The following ZEB1 variants were observed in gnomAD, a reference collection of about 807,000 sequenced individuals.
ZEB1 encodes zinc finger E-box-binding homeobox 1.
ZEB1 carries 21 observed loss-of-function variants against 84.9 expected under a neutral mutation model. That is an observed-to-expected ratio of 0.25 (90% CI 0.18 to 0.36). ZEB1 has a LOEUF of 0.36. ZEB1 is among the 10% of genes least tolerant of loss of function. The pLI, the probability that ZEB1 is intolerant of heterozygous loss-of-function variation, is 1.00. For missense variants in ZEB1, 1,104 were observed against 1,330.2 expected (o/e 0.83, Z 2.65); for synonymous variants, 420 against 471.1 (o/e 0.89, Z 1.41).
intron 1 of ZEB1, among the ~76,000 whole-genome samples, chr10:31,403,347 G>A (rs1200598879): frequency 6.6e-6 from 1 of 151,440 alleles, no homozygotes; most frequent in Non-Finnish European, 1.5e-5. Context: ...ATGAGGACTT[G>A]GTTAAAACTT....
intron 1 of ZEB1, among the ~76,000 whole-genome samples, chr10:31,452,803 A>G (rs1451243241): frequency 3.5e-5 from 5 of 140,882 alleles, no homozygotes; most frequent in Non-Finnish European, 7.5e-5. Flanking sequence ...ATTGATGTTA[A>G]AGAATAATGG....
At chr10:31,505,142 GATCAT>G (rs1489036120) in intron 4 of ZEB1, among the ~76,000 whole-genome samples, 7 of 152,042 alleles carry the variant, frequency 4.6e-5, no homozygotes, top group African/African-American at 1.7e-4. Flanking sequence ...AATCCCACTT[GATCAT>G]ATTGCATTAT....
intron 1 of ZEB1, among the ~76,000 whole-genome samples, chr10:31,444,665 T>G (rs1362494872): frequency 6.6e-6 from 1 of 152,018 alleles, no homozygotes; most frequent in Admixed American, 6.6e-5. Context: ...ATTTGTTAAA[T>G]AGGGAATCCT....
chr10:31,495,117 T>C (rs996294325), intron 2 of ZEB1, among the ~76,000 whole-genome samples: 1 of 152,044 alleles, frequency 6.6e-6, no homozygotes, highest in Non-Finnish European at 1.5e-5. Context: ...GACCTGCATT[T>C]ATATTTCATT....
chr10:31,469,593 A>G (rs1264491418), intron 2 of ZEB1, among the ~76,000 whole-genome samples: 1 of 152,116 alleles, frequency 6.6e-6, no homozygotes, highest in Non-Finnish European at 1.5e-5. Context: ...TTGCTAGCAC[A>G]GCAGTCTGAG....
intron 1 of ZEB1, among the ~76,000 whole-genome samples, chr10:31,369,399 C>G (rs1047561872): frequency 2.4e-4 from 37 of 152,182 alleles, no homozygotes; most frequent in African/African-American, 8.7e-4. Context: ...TTGTTCTATT[C>G]TCTACTTCTA....
chr10:31,420,623 A>T (rs1211392680), intron 1 of ZEB1, among the ~76,000 whole-genome samples: 4 of 152,124 alleles, frequency 2.6e-5, no homozygotes, highest in African/African-American at 7.2e-5. Context: ...TGGGTACCTT[A>T]ATTACATATG....
intron 4 of ZEB1, among the ~76,000 whole-genome samples, chr10:31,504,534 T>G (rs970527234): frequency 6.6e-6 from 1 of 152,150 alleles, no homozygotes; most frequent in African/African-American, 2.4e-5. Context: ...AATCTGTAGA[T>G]CGCTCTGGGC....
chr10:31,319,339 G>A, intron 1 of ZEB1, 47 bp downstream of exon 1: 4 of 1,579,918 alleles, frequency 2.5e-6, no homozygotes, highest in Non-Finnish European at 3.4e-6. Context: ...GGGGGAGCTG[G>A]GCAGCCGGGG....
chr10:31,365,304 A>C (rs903298517), intron 1 of ZEB1, among the ~76,000 whole-genome samples: 11 of 152,142 alleles, frequency 7.2e-5, no homozygotes, highest in Non-Finnish European at 1.5e-4. Flanking sequence ...TGATGCCCTA[A>C]ATATAACTCT....
At chr10:31,503,106 T>C (rs1403568692) in intron 4 of ZEB1, among the ~76,000 whole-genome samples, 1 of 152,130 alleles carries the variant, frequency 6.6e-6, no homozygotes, top group Non-Finnish European at 1.5e-5. Flanking sequence ...TTTAAAAATA[T>C]ATGTATATTT....
chr10:31,440,707 A>G (rs2058835976), intron 1 of ZEB1, among the ~76,000 whole-genome samples: 1 of 152,214 alleles, frequency 6.6e-6, no homozygotes, highest in Admixed American at 6.5e-5. Flanking sequence ...ACTTCAGCAA[A>G]GTCTCAGGAT....
intron 1 of ZEB1, among the ~76,000 whole-genome samples, chr10:31,419,933 T>C (rs569275421): frequency 2.0e-5 from 3 of 152,260 alleles, no homozygotes; most frequent in Admixed American, 6.5e-5. Context: ...TCCGAAGTAG[T>C]ATGTCTGGAA....
intron 2 of ZEB1, among the ~76,000 whole-genome samples, chr10:31,492,961 A>G (rs754346368): frequency 7.9e-5 from 12 of 151,952 alleles, no homozygotes; most frequent in Non-Finnish European, 1.8e-4. Flanking sequence ...TAGATTCACA[A>G]ATAATACAGA....
At position 31,363,117 on chromosome 10, in the gene ZEB1, C is replaced by T. The variant is rs973622886; in HGVS notation, c.58+43825C>T. 5 of 1,533,988 alleles carry T rather than the reference C, an allele frequency of 3.3e-6. No homozygotes were observed. In the African/African-American group the frequency reaches 5.5e-5, roughly 17 times the overall value. ...GGCCGGCAGCTCTGGGTGGAGAAGA[C>T]CTACTTGATCCAAGAGCTGCAGGAT... On this transcript the variant is annotated intron_variant, in intron 1 of 8. Transcript: ENST00000424869.
At chr10:31,403,664 C>T (rs1301700715) in intron 1 of ZEB1, among the ~76,000 whole-genome samples, 1 of 151,900 alleles carries the variant, frequency 6.6e-6, no homozygotes, top group Non-Finnish European at 1.5e-5. Flanking sequence ...TACAGATTTT[C>T]GTTTACACTG....
chr10:31,385,513 TC>T (rs998412461), intron 1 of ZEB1, among the ~76,000 whole-genome samples: 90 of 151,922 alleles, frequency 5.9e-4, no homozygotes, highest in African/African-American at 1.7e-3. Flanking sequence ...TTTTTTCTTT[TC>T]TTTTTTTCTT....
intron 1 of ZEB1, among the ~76,000 whole-genome samples, chr10:31,447,838 C>G (rs2059994550): frequency 6.6e-6 from 1 of 151,858 alleles, no homozygotes; most frequent in Admixed American, 6.6e-5. Flanking sequence ...CTCTGGCTGC[C>G]CTTAACATTT....
At position 31,461,079 on chromosome 10, in the gene ZEB1, A is replaced by T. The variant is rs757485471; in HGVS notation, c.101A>T (p.Asp34Val). 4 of 1,608,572 alleles carry T rather than the reference A, an allele frequency of 2.5e-6. No individual in the cohort carries two copies. The South Asian group carries it at 4.4e-5, about 18-fold the overall frequency. ...NTVVETNSDSDDEDKLHIVEE... is the reference protein window; with the variant it reads ...NTVVETNSDSVDEDKLHIVEE... ...GTGGTAGAAACAAATTCAGATTCAG[A>T]TGATGAAGACAAACTGCATATTGTG... is the stretch of plus-strand genomic sequence containing the variant. The change falls in exon 2 of 9, where the codon GAT becomes GTT. Residue 34 changes from aspartate to valine, a missense_variant. Physicochemically the swap from Asp to Val is radical, Grantham distance 152 (BLOSUM62 -3). Coordinates refer to ENST00000424869, the MANE Select transcript of ZEB1 (RefSeq NM_001174096.2).
Sources: gnomAD v4.1 joint callset for allele counts (sites outside exome capture counted in the v4.1 genomes callset) on GRCh38, gnomAD v4.1.1 for gene constraint, MANE v1.5 for transcripts, NCBI Gene and HGNC (gene_info 2026-07-23, HGNC 2026-07-21) for gene names.